Variants in MACROD2 observed in about 807,000 individuals in gnomAD.
MACROD2 encodes the protein mono-ADP ribosylhydrolase 2.
MACROD2 carries 36 observed loss-of-function variants against 70.4 expected under a neutral mutation model. The observed-to-expected ratio is 0.51, with a 90% confidence interval of 0.39 to 0.68. The LOEUF (loss-of-function observed/expected upper bound fraction) is 0.68, where lower values mean the gene tolerates loss of function less well. MACROD2 is among the 30% of genes least tolerant of loss of function. The pLI is 0.00. For missense variants in MACROD2, 496 were observed against 538.4 expected, an observed-to-expected ratio of 0.92 and a Z score of 0.78; for synonymous variants, 172 against 178.8, an observed-to-expected ratio of 0.96 and a Z score of 0.30.
intron 8 of MACROD2, among the ~76,000 whole-genome samples, chr20:15,670,836 A>G (rs1396106098): frequency 6.6e-6 from 1 of 152,342 alleles, no homozygotes; most frequent in East Asian, 1.9e-4. Flanking sequence ...TGAAGAGGTC[A>G]AGGTTTCAGC....
chr20:15,033,920 G>A (rs183564464), intron 5 of MACROD2, among the ~76,000 whole-genome samples: 6 of 152,298 alleles, frequency 3.9e-5, no homozygotes, highest in East Asian at 1.9e-4. Context: ...TTTAACCAAC[G>A]TTTTATTAAT....
At chr20:14,278,128 G>A (rs2082274883) in intron 3 of MACROD2, among the ~76,000 whole-genome samples, 1 of 152,228 alleles carries the variant, frequency 6.6e-6, no homozygotes, top group Non-Finnish European at 1.5e-5. Context: ...GCTGAGAATA[G>A]TTGATGAACA....
chr20:14,661,178 A>G (rs1464707671), intron 4 of MACROD2, among the ~76,000 whole-genome samples: 2 of 151,384 alleles, frequency 1.3e-5, no homozygotes, highest in Non-Finnish European at 3.0e-5. Flanking sequence ...CCAGTGTGTA[A>G]GTGTTCTGTT....
At chr20:15,352,283 A>C (rs2078236106) in intron 6 of MACROD2, among the ~76,000 whole-genome samples, 1 of 152,056 alleles carries the variant, frequency 6.6e-6, no homozygotes, top group African/African-American at 2.4e-5. Context: ...TCTTCCAAAC[A>C]CCCTGTACCT....
chr20:15,896,998 C>A (rs1475660132), intron 10 of MACROD2, among the ~76,000 whole-genome samples: 4 of 152,150 alleles, frequency 2.6e-5, no homozygotes, highest in Non-Finnish European at 4.4e-5. Context: ...ATAATTTAGA[C>A]CTTTTTTTTT....
At position 14,961,357 on chromosome 20, in the gene MACROD2, G is replaced by T. The variant is rs145233250; in HGVS notation, c.419-268583G>T. Among the ~76,000 whole-genome samples the T allele has an allele frequency of 3.1e-3, 473 of 152,144 alleles. 5 individuals are homozygous for T. Among genetic ancestry groups the T allele is most frequent in the African/African-American group, 0.011 (453 of 41,510 alleles). On this transcript the variant is annotated intron_variant, in intron 5 of 17. Transcript: ENST00000684519. ...AGGGTGATTATTTTCAGGAATTATA[G>T]AATATATTCTGTGAATTTAGGCAGA...
At chr20:15,258,291 G>A (rs575187956) in intron 6 of MACROD2, among the ~76,000 whole-genome samples, 22 of 152,058 alleles carry the variant, frequency 1.4e-4, no homozygotes, top group African/African-American at 4.8e-4. Context: ...GTCTACAGTA[G>A]GGTACTGTAA....
intron 10 of MACROD2, among the ~76,000 whole-genome samples, chr20:15,908,177 G>T (rs1185289484): frequency 1.3e-5 from 2 of 151,998 alleles, no homozygotes; most frequent in African/African-American, 4.8e-5. Context: ...GCTTCCCATT[G>T]AGAAGGCATG....
chr20:14,255,696 A>T (rs1177902951), intron 3 of MACROD2, among the ~76,000 whole-genome samples: 1 of 77,870 alleles, frequency 1.3e-5, no homozygotes, highest in African/African-American at 3.0e-5. Context: ...TAAATAAATA[A>T]ATAAATAAAT....
chr20:14,000,421 T>C (rs549806429), intron 1 of MACROD2, among the ~76,000 whole-genome samples: 20 of 152,328 alleles, frequency 1.3e-4, no homozygotes, highest in African/African-American at 4.8e-4. Context: ...TTAATACTTC[T>C]GTAGTTTATT....
At chr20:15,241,967 G>T (rs1336432102) in intron 6 of MACROD2, among the ~76,000 whole-genome samples, 1 of 152,006 alleles carries the variant, frequency 6.6e-6, no homozygotes, top group African/African-American at 2.4e-5. Flanking sequence ...TCAACAAAAT[G>T]CAATTAGATT....
chr20:14,651,781 A>G (rs1413584792), intron 4 of MACROD2, among the ~76,000 whole-genome samples: 1 of 152,146 alleles, frequency 6.6e-6, no homozygotes, highest in African/African-American at 2.4e-5. Flanking sequence ...CATGGACTCC[A>G]ACTATCTTCC....
intron 5 of MACROD2, among the ~76,000 whole-genome samples, chr20:15,071,428 T>C (rs192006075): frequency 6.6e-6 from 1 of 152,320 alleles, no homozygotes; most frequent in East Asian, 1.9e-4. Flanking sequence ...ATTCATGCCT[T>C]CCTTCCCTAG....
chr20:15,525,134 C>T (rs371892176), intron 8 of MACROD2, among the ~76,000 whole-genome samples: 14 of 152,280 alleles, frequency 9.2e-5, no homozygotes, highest in African/African-American at 3.4e-4. Context: ...ACTGTTGGCT[C>T]ATAAAGATGT....
At chr20:15,231,714 G>A (rs1351050033) in intron 6 of MACROD2, among the ~76,000 whole-genome samples, 1 of 152,022 alleles carries the variant, frequency 6.6e-6, no homozygotes, top group Non-Finnish European at 1.5e-5. Context: ...GTAAGCAATG[G>A]AAGAATTATG....
chr20:14,271,724 G>A (rs1408626516), intron 3 of MACROD2, among the ~76,000 whole-genome samples: 1 of 152,030 alleles, frequency 6.6e-6, no homozygotes, highest in Non-Finnish European at 1.5e-5. Flanking sequence ...CAAACCAAAG[G>A]CAAAGAAGTT....
At chr20:14,418,456 A>G (rs993691833) in intron 3 of MACROD2, among the ~76,000 whole-genome samples, 1 of 152,218 alleles carries the variant, frequency 6.6e-6, no homozygotes, top group African/African-American at 2.4e-5. Context: ...AGAATCTTCC[A>G]GTTGAAAAGG....
At chr20:15,100,477 C>G (rs776495628) in intron 5 of MACROD2, among the ~76,000 whole-genome samples, 1 of 152,132 alleles carries the variant, frequency 6.6e-6, no homozygotes, top group South Asian at 2.1e-4. Context: ...ACTGGACTCC[C>G]GTACAACTGA....
At chr20:15,918,381 T>A (rs974562523) in intron 10 of MACROD2, among the ~76,000 whole-genome samples, 1 of 152,248 alleles carries the variant, frequency 6.6e-6, no homozygotes, top group African/African-American at 2.4e-5. Context: ...ATGCGTATAT[T>A]TAAGTATTTA....
Sources: gnomAD v4.1 joint callset for allele counts (sites outside exome capture counted in the v4.1 genomes callset) on GRCh38, gnomAD v4.1.1 for gene constraint, MANE v1.5 for transcripts, NCBI Gene and HGNC (gene_info 2026-07-23, HGNC 2026-07-21) for gene names.